Variants in TSPAN10 observed in about 807,000 individuals in gnomAD.
TSPAN10 encodes the protein tetraspanin-10.
In TSPAN10, 11 loss-of-function variants were observed where a neutral mutation model predicts 15.0. The observed-to-expected ratio is 0.73, with a 90% CI of 0.46 to 1.21. TSPAN10 has a LOEUF of 1.21. Ranked by LOEUF, TSPAN10 falls within the 50% of genes most tolerant of loss-of-function variation. The pLI, the probability that TSPAN10 is intolerant of heterozygous loss-of-function variation, is 0.00. For missense variants in TSPAN10, 486 were observed against 470.6 expected (o/e 1.03, Z -0.30); for synonymous variants, 241 against 226.2 (o/e 1.07, Z -0.59).
intron 1 of TSPAN10, among the ~76,000 whole-genome samples, chr17:81,642,689 C>CT (rs2036190504): frequency 6.6e-6 from 1 of 152,186 alleles, no homozygotes; most frequent in African/African-American, 2.4e-5. Flanking sequence ...CCCTGAGGGC[C>CT]TTGGGGGCAA....
At chr17:81,637,536 T>A (rs1362890219), upstream of TSPAN10, 5 of 605,892 alleles carry the variant, frequency 8.3e-6, no homozygotes, top group Non-Finnish European at 1.5e-5. Flanking sequence ...CGGTGGCTCA[T>A]ACCTGTAATC....
At chr17:81,645,716 C>T (rs1183047529) in intron 2 of TSPAN10, 87 bp downstream of exon 3, 55 of 1,513,560 alleles carry the variant, frequency 3.6e-5, no homozygotes, top group Non-Finnish European at 4.3e-5. Flanking sequence ...GTCACTCACA[C>T]GTACATACTC....
At chr17:81,648,319 G>T, downstream of TSPAN10, 1 of 1,203,370 alleles carries the variant, frequency 8.3e-7, no homozygotes, top group Non-Finnish European at 1.0e-6. Flanking sequence ...GTCCGAGACC[G>T]CCACGCACAG....
upstream of TSPAN10, among the ~76,000 whole-genome samples, chr17:81,641,974 G>A (rs2036182312): frequency 6.6e-6 from 1 of 152,168 alleles, no homozygotes; most frequent in Non-Finnish European, 1.5e-5. Context: ...CTGCCCATGG[G>A]TCTCTTGGGA....
chr17:81,646,032 T>G, intron 2 of TSPAN10: 1 of 306,102 alleles, frequency 3.3e-6, no homozygotes, highest in Non-Finnish European at 6.1e-6. Flanking sequence ...GTGACTCTGT[T>G]CCCCCCGCCA....
At chr17:81,645,423 C>T (rs1203243161) in exon 2 of TSPAN10, 1 of 1,602,962 alleles carries the variant, frequency 6.2e-7, no homozygotes, top group Non-Finnish European at 8.5e-7. Flanking sequence ...TCTCTGGGGG[C>T]ATCCTTGCCT....
In TSPAN10 at chr17:81,642,995, T is replaced by TTATATA. The variant is rs71968441; in HGVS notation, c.36+569_36+574dup. Among the ~76,000 whole-genome samples, 963 of 143,076 alleles carry TTATATA rather than the reference T, an allele frequency of 6.7e-3. 8 individuals carry two copies. The highest frequency in any genetic ancestry group is 9.5e-3 in the African/African-American group (373 of 39,352). 93.9% of individuals were successfully genotyped at this position (143,076 alleles called of 152,430 possible). The stretch of plus-strand genomic sequence containing the variant: ...AGCGAGACCCTGTCTCTACAAAATA[T>TTATATA]TATATATATATATATATATATATAT... On this transcript the variant is annotated intron_variant, in intron 1 of 2. Transcript: ENST00000611590.
At position 81,647,381 on chromosome 17, in the gene TSPAN10, C is replaced by T. The variant is rs141124585; in HGVS notation, c.675-520C>T. 8.0e-4 allele frequency: 364 copies of T among 455,854 alleles called. 2 individuals carry two copies. The highest frequency in any genetic ancestry group is 5.8e-3 in the African/African-American group (291 of 50,122). 28.2% of individuals were successfully genotyped at this position (455,854 alleles called of 1,614,324 possible). ...CTAGGGCACCTGGGGACTGCCTGAC[C>T]TGGGCTGTGATGAGATCAACACTCC... On this transcript the variant is annotated intron_variant, in intron 2 of 2. Transcript: ENST00000611590.
At chr17:81,639,220 T>TC (rs2144371012), upstream of TSPAN10, 1 of 145,598 alleles carries the variant, frequency 6.9e-6, no homozygotes, top group East Asian at 2.0e-4. Flanking sequence ...TTTTTTTTTT[T>TC]TTTTTTGAGT....
At chr17:81,640,451 A>G (rs192900034), upstream of TSPAN10, among the ~76,000 whole-genome samples, 4 of 151,832 alleles carry the variant, frequency 2.6e-5, no homozygotes, top group East Asian at 7.8e-4. Context: ...CGCTAATGGC[A>G]CTTATTTATT....
intron 2 of TSPAN10, chr17:81,645,909 CAAA>C: frequency 1.7e-6 from 1 of 581,356 alleles, no homozygotes; most frequent in South Asian, 2.1e-5. Flanking sequence ...CACTCACACT[CAAA>C]CATGTTCATA....
upstream of TSPAN10, among the ~76,000 whole-genome samples, chr17:81,639,428 G>A (rs1019372975): frequency 2.0e-5 from 3 of 151,154 alleles, no homozygotes; most frequent in Non-Finnish European, 3.0e-5. Context: ...GGCTGGTCTC[G>A]ATCTCCTGAC....
chr17:81,639,492 C>A (rs2036157519), upstream of TSPAN10, among the ~76,000 whole-genome samples: 1 of 151,944 alleles, frequency 6.6e-6, no homozygotes, highest in Non-Finnish European at 1.5e-5. Flanking sequence ...AGGCATGAGC[C>A]ACCATGCCCG....
chr17:81,644,270 G>A (rs1272126426), intron 1 of TSPAN10, among the ~76,000 whole-genome samples: 1 of 152,118 alleles, frequency 6.6e-6, no homozygotes, highest in Non-Finnish European at 1.5e-5. Flanking sequence ...TGGGCCAGGG[G>A]GTCCCCTCTG....
chr17:81,647,582 C>A (rs1024233137), intron 2 of TSPAN10: 3 of 609,276 alleles, frequency 4.9e-6, no homozygotes, highest in African/African-American at 1.8e-5. Context: ...GCAGCCTCTG[C>A]GGAGGGAGGT....
rs746976429 is a variant in TSPAN10, at chr17:81,645,401, T to C, written c.446T>C (p.Leu149Pro). The change falls in exon 2 of 3, where the codon CTG becomes CCG. Residue 149 changes from leucine (L) to proline (P), a missense_variant. Leu to Pro is a moderately conservative substitution (Grantham distance 98). Transcript: ENST00000611590. ...GGCGCCCTCTGTGAGAACACCTGCCTGTTACGTGGCTTCTCTGGGGGCATC... is the reference window on the plus strand; with the variant it reads ...GGCGCCCTCTGTGAGAACACCTGCCCGTTACGTGGCTTCTCTGGGGGCATC... 4.4e-6 allele frequency: 7 copies of C among 1,603,202 alleles called. No individual in the cohort carries two copies. In the East Asian group the frequency reaches 1.6e-4, roughly 36 times the overall value.
intron 2 of TSPAN10, chr17:81,647,353 T>C (rs1025776596): frequency 2.0e-5 from 9 of 451,480 alleles, no homozygotes; most frequent in African/African-American, 1.8e-4. Context: ...CATCAGTGGA[T>C]GCCTAGGGCA....
At chr17:81,642,358 G>A (rs1221735617), upstream of TSPAN10, 1 of 1,609,262 alleles carries the variant, frequency 6.2e-7, no homozygotes, top group South Asian at 1.1e-5. Context: ...CCACAGAGGA[G>A]CCAGCGAACC....
intron 2 of TSPAN10, chr17:81,647,514 C>T (rs2036270739): frequency 4.0e-6 from 2 of 500,458 alleles, no homozygotes; most frequent in Non-Finnish European, 7.8e-6. Context: ...TTCCAGAAGC[C>T]TCTGCCAGAG....
Sources: gnomAD v4.1 joint callset for allele counts (sites outside exome capture counted in the v4.1 genomes callset) on GRCh38, gnomAD v4.1.1 for gene constraint, MANE v1.5 for transcripts, NCBI Gene and HGNC (gene_info 2026-07-23, HGNC 2026-07-21) for gene names.